DGKB: variants seen among roughly 807,000 people sequenced by gnomAD.
DGKB encodes the protein diacylglycerol kinase beta, also known as 90 kDa diacylglycerol kinase.
A neutral mutation model predicts 114.3 loss-of-function variants in DGKB; 67 were observed. The ratio of observed to expected loss-of-function variants is 0.59; its 90% CI spans 0.48 to 0.72. The LOEUF (loss-of-function observed/expected upper bound fraction) is 0.72, where lower values mean the gene tolerates loss of function less well. Among genes scored for constraint, DGKB ranks in the 30% least tolerant of loss-of-function variants. The pLI is 0.00. For synonymous variants in DGKB, 398 were observed against 323.1 expected, an observed-to-expected ratio of 1.23 and a Z score of -2.49; for missense variants, 907 against 975.2, an observed-to-expected ratio of 0.93 and a Z score of 0.93.
intron 23 of DGKB, among the ~76,000 whole-genome samples, chr7:14,206,417 C>T (rs112961608): frequency 5.9e-5 from 9 of 151,928 alleles, no homozygotes; most frequent in African/African-American, 1.9e-4. Context: ...AAAAGTACAG[C>T]AAAAGGTGAG....
At chr7:14,887,880 T>C (rs1270300149) in intron 1 of DGKB, among the ~76,000 whole-genome samples, 1 of 151,776 alleles carries the variant, frequency 6.6e-6, no homozygotes, top group Admixed American at 6.6e-5. Context: ...TCAAAATATA[T>C]TTGTGAAATT....
chr7:14,351,654 A>G (rs566432414), intron 21 of DGKB, among the ~76,000 whole-genome samples: 1 of 152,292 alleles, frequency 6.6e-6, no homozygotes, highest in Admixed American at 6.5e-5. Flanking sequence ...AGGTTGCTCA[A>G]AGTATGTAAT....
At chr7:14,675,033 A>G (rs1453273842) in intron 12 of DGKB, among the ~76,000 whole-genome samples, 2 of 152,164 alleles carry the variant, frequency 1.3e-5, no homozygotes, top group African/African-American at 2.4e-5. Flanking sequence ...CTGCTGCACT[A>G]TGGATGTCAC....
At chr7:14,325,969 G>A (rs1808635676) in intron 23 of DGKB, among the ~76,000 whole-genome samples, 1 of 151,776 alleles carries the variant, frequency 6.6e-6, no homozygotes, top group African/African-American at 2.4e-5. Flanking sequence ...GTATTGAGCT[G>A]TAAAAATCAC....
intron 1 of DGKB, among the ~76,000 whole-genome samples, chr7:14,968,907 G>A (rs947706035): frequency 1.1e-4 from 16 of 151,974 alleles, no homozygotes; most frequent in African/African-American, 3.9e-4. Context: ...CTGTTATTTT[G>A]GGCTTTTTCT....
intron 20 of DGKB, among the ~76,000 whole-genome samples, chr7:14,521,405 C>G (rs1449496508): frequency 6.6e-6 from 1 of 152,098 alleles, no homozygotes; most frequent in African/African-American, 2.4e-5. Flanking sequence ...TATCCTGGTG[C>G]AGATCACTTG....
chr7:14,637,536 A>C (rs1048635452), intron 13 of DGKB, among the ~76,000 whole-genome samples: 1 of 151,008 alleles, frequency 6.6e-6, no homozygotes, highest in African/African-American at 2.4e-5. Flanking sequence ...ATATGTGTGT[A>C]TATATATATA....
chr7:14,522,672 A>AT (rs1448629256), intron 20 of DGKB, among the ~76,000 whole-genome samples: 1 of 152,174 alleles, frequency 6.6e-6, no homozygotes, highest in Admixed American at 6.6e-5. Context: ...AAGTTCATGC[A>AT]TTTTATTCAT....
chr7:14,701,571 G>T, intron 7 of DGKB, 110 bp downstream of exon 7: 2 of 765,236 alleles, frequency 2.6e-6, no homozygotes, highest in Middle Eastern at 3.0e-4. Flanking sequence ...ATGAGTGGAT[G>T]TAAATTACAT....
At chr7:14,749,861 A>G (rs2128429879) in intron 4 of DGKB, among the ~76,000 whole-genome samples, 1 of 152,334 alleles carries the variant, frequency 6.6e-6, no homozygotes, top group Non-Finnish European at 1.5e-5. Context: ...GTTCACTTTT[A>G]AAGAAAATCT....
At chr7:14,543,792 T>C (rs1044507512) in intron 20 of DGKB, among the ~76,000 whole-genome samples, 9 of 152,172 alleles carry the variant, frequency 5.9e-5, no homozygotes, top group Admixed American at 2.0e-4. Context: ...AAGGTACTGA[T>C]TGGTTATAAT....
At chr7:14,772,833 A>T (rs1479127173) in intron 2 of DGKB, among the ~76,000 whole-genome samples, 3 of 152,068 alleles carry the variant, frequency 2.0e-5, no homozygotes, top group Non-Finnish European at 1.5e-5. Flanking sequence ...ACATAGCCAG[A>T]CCTCAGGCAT....
chr7:14,486,776 G>T (rs1461768701), intron 20 of DGKB, among the ~76,000 whole-genome samples: 1 of 152,140 alleles, frequency 6.6e-6, no homozygotes, highest in Non-Finnish European at 1.5e-5. Flanking sequence ...AGCTGTGTGT[G>T]CACAGAAGTC....
At chr7:14,883,970 T>A (rs2128217528) in intron 1 of DGKB, among the ~76,000 whole-genome samples, 1 of 152,120 alleles carries the variant, frequency 6.6e-6, no homozygotes, top group East Asian at 1.9e-4. Flanking sequence ...GCCAACTTTG[T>A]ATTAATGTCA....
chr7:14,499,936 T>C (rs975555249), intron 20 of DGKB, among the ~76,000 whole-genome samples: 3 of 151,828 alleles, frequency 2.0e-5, no homozygotes, highest in Admixed American at 2.0e-4. Flanking sequence ...GGCATTGGCT[T>C]TGAGAAGAGA....
intron 5 of DGKB, among the ~76,000 whole-genome samples, chr7:14,723,594 T>C (rs139862448): frequency 0.046 from 6,971 of 151,394 alleles, 398 homozygotes; most frequent in African/African-American, 0.16. Context: ...TATATACACA[T>C]ACACACACAT....
intron 1 of DGKB, among the ~76,000 whole-genome samples, chr7:14,913,348 T>C (rs1425409467): frequency 6.6e-6 from 1 of 151,576 alleles, no homozygotes; most frequent in East Asian, 1.9e-4. Flanking sequence ...TTATGGCACT[T>C]TTTACATTTT....
intron 20 of DGKB, among the ~76,000 whole-genome samples, chr7:14,506,495 G>C (rs56938715): frequency 6.6e-6 from 1 of 151,994 alleles, no homozygotes; most frequent in African/African-American, 2.4e-5. Context: ...GGATTTAGAC[G>C]GCCTGGCTAA....
chr7:14,848,509 ATAT>A (rs1848936542), intron 1 of DGKB, among the ~76,000 whole-genome samples: 1 of 152,196 alleles, frequency 6.6e-6, no homozygotes. Flanking sequence ...AAGAGGTATA[ATAT>A]TATCAGTTTT....
Sources: allele counts gnomAD v4.1 joint callset (sites outside exome capture counted in the v4.1 genomes callset), GRCh38; gene constraint gnomAD v4.1.1; transcripts MANE v1.5; gene names NCBI Gene and HGNC (gene_info 2026-07-23, HGNC 2026-07-21).